DTNB: variants seen among roughly 807,000 people sequenced by gnomAD.
DTNB encodes DTN-B.
In DTNB, 63 loss-of-function variants were observed where a neutral mutation model predicts 90.7. That is an observed-to-expected ratio of 0.69 (90% CI 0.57 to 0.86). The LOEUF is 0.86. Ranked by LOEUF, DTNB falls within the 40% of genes least tolerant of loss-of-function variation. The pLI, the probability that DTNB is intolerant of heterozygous loss-of-function variation, is 0.00. For synonymous variants in DTNB, 277 were observed against 286.7 expected (o/e 0.97, Z 0.34); for missense variants, 744 against 807.1 (o/e 0.92, Z 0.95).
intron 10 of DTNB, among the ~76,000 whole-genome samples, chr2:25,476,280 G>A (rs1241097701): frequency 6.6e-6 from 1 of 152,118 alleles, no homozygotes; most frequent in Non-Finnish European, 1.5e-5. Context: ...TGTTGGCCAG[G>A]CTGGTCTGGA....
chr2:25,546,948 G>T (rs2082556869), intron 8 of DTNB, among the ~76,000 whole-genome samples: 1 of 151,898 alleles, frequency 6.6e-6, no homozygotes, highest in Non-Finnish European at 1.5e-5. Context: ...TTGGCCTCAA[G>T]TAATCCTCCC....
intron 10 of DTNB, among the ~76,000 whole-genome samples, chr2:25,475,216 A>G (rs897643886): frequency 1.3e-5 from 2 of 152,248 alleles, no homozygotes; most frequent in African/African-American, 2.4e-5. Context: ...CTATGAATGC[A>G]AAGGAAAGCT....
intron 12 of DTNB, among the ~76,000 whole-genome samples, chr2:25,447,650 G>A (rs765782116): frequency 6.6e-5 from 10 of 151,724 alleles, no homozygotes; most frequent in South Asian, 2.1e-4. Flanking sequence ...GATTACAGGC[G>A]TATGCCACCA....
At chr2:25,622,013 T>A (rs563322177) in intron 4 of DTNB, among the ~76,000 whole-genome samples, 1 of 152,274 alleles carries the variant, frequency 6.6e-6, no homozygotes, top group South Asian at 2.1e-4. Flanking sequence ...TCCAAACTAG[T>A]TTCATTAGAT....
At chr2:25,543,315 T>G (rs938110296) in intron 8 of DTNB, among the ~76,000 whole-genome samples, 2 of 151,292 alleles carry the variant, frequency 1.3e-5, no homozygotes, top group African/African-American at 2.4e-5. Flanking sequence ...TGTTTTTTGT[T>G]TTTTTTTTGA....
intron 16 of DTNB, among the ~76,000 whole-genome samples, chr2:25,412,462 A>G (rs2046848388): frequency 6.6e-6 from 1 of 152,236 alleles, no homozygotes; most frequent in South Asian, 2.1e-4. Flanking sequence ...CCTTTGGCCC[A>G]CTGCCCCACT....
intron 9 of DTNB, among the ~76,000 whole-genome samples, chr2:25,514,034 C>T (rs2074495370): frequency 6.8e-6 from 1 of 147,278 alleles, no homozygotes. Flanking sequence ...TTTCAAAGAA[C>T]TTACAGTCTA....
intron 1 of DTNB, among the ~76,000 whole-genome samples, chr2:25,664,712 G>A (rs1335227358): frequency 2.0e-5 from 3 of 152,206 alleles, no homozygotes; most frequent in Non-Finnish European, 4.4e-5. Flanking sequence ...AGACAAGACC[G>A]TGCTGAGCTT....
chr2:25,636,626 A>G (rs1161648471), intron 3 of DTNB, among the ~76,000 whole-genome samples: 2 of 152,210 alleles, frequency 1.3e-5, no homozygotes, highest in Non-Finnish European at 2.9e-5. Context: ...ATATATAAAT[A>G]TATTTAAATC....
chr2:25,477,058 C>T (rs910171988), intron 10 of DTNB, among the ~76,000 whole-genome samples: 1 of 152,160 alleles, frequency 6.6e-6, no homozygotes, highest in African/African-American at 2.4e-5. Flanking sequence ...TAGTCAGCAG[C>T]CATCAGCATT....
At chr2:25,454,643 T>G (rs2059738013) in intron 11 of DTNB, among the ~76,000 whole-genome samples, 1 of 152,310 alleles carries the variant, frequency 6.6e-6, no homozygotes, top group South Asian at 2.1e-4. Flanking sequence ...CTGAAAGTAA[T>G]ACCACTTTTT....
At chr2:25,462,191 T>A (rs901432510) in intron 10 of DTNB, among the ~76,000 whole-genome samples, 1 of 152,212 alleles carries the variant, frequency 6.6e-6, no homozygotes, top group Non-Finnish European at 1.5e-5. Flanking sequence ...GTGTGAGAAC[T>A]GCTCTCTAAG....
At chr2:25,613,248 C>T (rs1209684506) in intron 4 of DTNB, among the ~76,000 whole-genome samples, 1 of 152,032 alleles carries the variant, frequency 6.6e-6, no homozygotes, top group African/African-American at 2.4e-5. Context: ...TATGCCCAGA[C>T]CAATTTTTAT....
rs567510245 is a variant in DTNB at position 25,602,172 on chromosome 2, C to T, written c.448+5064G>A. On this transcript the variant is annotated intron_variant, in intron 5 of 20. Transcript: ENST00000406818. ...AAAGAAACTTATTAATATGCCACAT[C>T]ATTAAGCTGCAATGAGGCTGGAGGG... 2.2e-3 allele frequency among the ~76,000 whole-genome samples: 329 copies of T among 152,134 alleles called. 4 individuals carry two copies. The highest frequency in any genetic ancestry group is 1.9e-3 in the Non-Finnish European group (128 of 67,962).
chr2:25,397,846 C>T (rs1252906014), intron 16 of DTNB, among the ~76,000 whole-genome samples: 1 of 149,226 alleles, frequency 6.7e-6, no homozygotes, highest in Non-Finnish European at 1.5e-5. Context: ...TGCCACTGCC[C>T]TCCAGCCTGG....
At chr2:25,615,842 T>C (rs1573463162) in intron 4 of DTNB, among the ~76,000 whole-genome samples, 1 of 152,174 alleles carries the variant, frequency 6.6e-6, no homozygotes, top group African/African-American at 2.4e-5. Flanking sequence ...TCTAAACCCA[T>C]ACAAATCCTC....
intron 16 of DTNB, among the ~76,000 whole-genome samples, chr2:25,417,409 G>T (rs2048249920): frequency 6.6e-6 from 1 of 152,194 alleles, no homozygotes; most frequent in African/African-American, 2.4e-5. Flanking sequence ...TAATATCACA[G>T]CAGTGGCAAT....
chr2:25,555,991 G>C (rs1296988009), intron 8 of DTNB, among the ~76,000 whole-genome samples: 1 of 152,106 alleles, frequency 6.6e-6, no homozygotes, highest in African/African-American at 2.4e-5. Flanking sequence ...TTGCGCTCCA[G>C]CTTGAGCAAC....
At chr2:25,535,941 C>T (rs1396609602) in intron 8 of DTNB, among the ~76,000 whole-genome samples, 1 of 142,554 alleles carries the variant, frequency 7.0e-6, no homozygotes, top group Non-Finnish European at 1.5e-5. Context: ...GCGCTTCTCA[C>T]TTCCTCCCAG....
Sources: gnomAD v4.1 joint callset for allele counts (sites outside exome capture counted in the v4.1 genomes callset) on GRCh38, gnomAD v4.1.1 for gene constraint, MANE v1.5 for transcripts, NCBI Gene and HGNC (gene_info 2026-07-23, HGNC 2026-07-21) for gene names.